The following ASIC2 variants were observed in gnomAD, a reference collection of about 807,000 sequenced individuals.
The protein encoded by ASIC2 is acid sensing ion channel subunit 2, also known as acid-sensing ion channel 2.
In ASIC2, 25 loss-of-function variants were observed where a neutral mutation model predicts 57.3. That is an observed-to-expected ratio of 0.44 (90% CI 0.32 to 0.61). The LOEUF is 0.61. Among genes scored for constraint, ASIC2 ranks in the 20% least tolerant of loss-of-function variants. The pLI is 0.06. For synonymous variants in ASIC2, 319 were observed against 307.5 expected, an observed-to-expected ratio of 1.04 and a Z score of -0.39; for missense variants, 641 against 738.1, an observed-to-expected ratio of 0.87 and a Z score of 1.52.
chr17:33,172,549 C>T (rs117825861), intron 1 of ASIC2, among the ~76,000 whole-genome samples: 1 of 152,338 alleles, frequency 6.6e-6, no homozygotes, highest in Non-Finnish European at 1.5e-5. Flanking sequence ...AAACACAGCA[C>T]AGGCCCTCTG....
chr17:34,152,578 G>T (rs1008504423), intron 1 of ASIC2, among the ~76,000 whole-genome samples: 1 of 152,122 alleles, frequency 6.6e-6, no homozygotes, highest in African/African-American at 2.4e-5. Context: ...TGAATAGCCC[G>T]ACTACTAATA....
At chr17:33,579,158 C>A (rs1597794180) in intron 1 of ASIC2, among the ~76,000 whole-genome samples, 1 of 151,968 alleles carries the variant, frequency 6.6e-6, no homozygotes. Context: ...TGATGGTGGG[C>A]GCCTGTAATC....
At chr17:34,146,964 C>G (rs1309619411) in intron 1 of ASIC2, 1 of 152,212 alleles carries the variant, frequency 6.6e-6, no homozygotes, top group Non-Finnish European at 1.5e-5. Flanking sequence ...CCTCCCTCAT[C>G]CTGCTGCAGC....
Position 33,402,021 on chromosome 17 carries a change from G to A in ASIC2, c.556-289954C>T, listed in dbSNP as rs1043674598. ...CTCCATGGCCATATTGTTCCACAAG[G>A]CAAGAAAGCTGTTGTCCAGAAATAT... On this transcript the variant is annotated intron_variant, in intron 1 of 9. Coordinates refer to the ASIC2 transcript ENST00000359872. Among the ~76,000 whole-genome samples the A allele has an allele frequency of 5.2e-4, 79 of 152,180 alleles. 1 individual carries two copies. The highest frequency in any genetic ancestry group is 1.4e-3 in the Admixed American group (22 of 15,290).
At chr17:34,050,122 C>T (rs1367358731) in intron 1 of ASIC2, among the ~76,000 whole-genome samples, 1 of 152,192 alleles carries the variant, frequency 6.6e-6, no homozygotes, top group Non-Finnish European at 1.5e-5. Context: ...CATTATCTTT[C>T]CACATGCCTG....
intron 1 of ASIC2, among the ~76,000 whole-genome samples, chr17:33,623,240 TTTTTTGTTTGTTTGTTTG>T (rs1214719884): frequency 6.9e-6 from 1 of 144,898 alleles, no homozygotes; most frequent in Non-Finnish European, 1.5e-5. Flanking sequence ...GATATCGTTT[TTTTTTGTTTGTTTGTTTG>T]TTTGTTTGTT....
At chr17:33,544,973 A>G (rs1215964050) in intron 1 of ASIC2, among the ~76,000 whole-genome samples, 1 of 152,110 alleles carries the variant, frequency 6.6e-6, no homozygotes. Context: ...AATTATTTTC[A>G]AGAAAATCTC....
intron 1 of ASIC2, among the ~76,000 whole-genome samples, chr17:33,718,514 C>T (rs1208787942): frequency 6.6e-6 from 1 of 152,052 alleles, no homozygotes; most frequent in Non-Finnish European, 1.5e-5. Flanking sequence ...GCCTCCCACA[C>T]CCCAACAATT....
chr17:33,541,634 C>T (rs1405862594), intron 1 of ASIC2, among the ~76,000 whole-genome samples: 1 of 152,176 alleles, frequency 6.6e-6, no homozygotes, highest in African/African-American at 2.4e-5. Flanking sequence ...ATCATTAGGG[C>T]TTCCACTTTC....
chr17:33,335,880 A>AT (rs1907494073), intron 1 of ASIC2, among the ~76,000 whole-genome samples: 1 of 152,242 alleles, frequency 6.6e-6, no homozygotes, highest in Non-Finnish European at 1.5e-5. Context: ...TCCAGCTCCA[A>AT]TCGCAGACAC....
chr17:34,090,287 G>A (rs150064185), intron 1 of ASIC2, among the ~76,000 whole-genome samples: 31 of 152,262 alleles, frequency 2.0e-4, no homozygotes, highest in African/African-American at 4.3e-4. Context: ...CCAAATGCCT[G>A]TAGGAGAGAA....
intron 1 of ASIC2, among the ~76,000 whole-genome samples, chr17:33,363,611 C>T (rs953872825): frequency 2.0e-5 from 3 of 152,210 alleles, no homozygotes; most frequent in African/African-American, 7.2e-5. Context: ...AACACCAGTG[C>T]GCATGTCCAT....
At chr17:33,117,784 A>G (rs560721423) in intron 1 of ASIC2, among the ~76,000 whole-genome samples, 2 of 152,320 alleles carry the variant, frequency 1.3e-5, no homozygotes, top group East Asian at 1.9e-4. Flanking sequence ...CTTTACTTCT[A>G]TACTCGAAGG....
intron 3 of ASIC2, among the ~76,000 whole-genome samples, chr17:33,062,940 C>G (rs1457717010): frequency 6.6e-6 from 1 of 152,110 alleles, no homozygotes; most frequent in Non-Finnish European, 1.5e-5. Context: ...CTCTTTTGAT[C>G]TTTGTTGGTT....
intron 1 of ASIC2, among the ~76,000 whole-genome samples, chr17:33,250,455 A>AT (rs1425331212): frequency 3.3e-5 from 5 of 152,184 alleles, no homozygotes; most frequent in African/African-American, 1.2e-4. Context: ...CCCAGAAAAC[A>AT]TTACCTGTAC....
intron 1 of ASIC2, among the ~76,000 whole-genome samples, chr17:34,082,924 A>T (rs915181319): frequency 7.2e-5 from 11 of 152,298 alleles, no homozygotes; most frequent in Admixed American, 1.3e-4. Flanking sequence ...GAAGTTTTTG[A>T]ATGCAGGAGC....
intron 1 of ASIC2, among the ~76,000 whole-genome samples, chr17:34,040,443 A>C: frequency 1.4e-4 from 1 of 7,354 alleles, no homozygotes; most frequent in African/African-American, 4.7e-4. Context: ...GTGGGGGAGG[A>C]GGGGGAGGGG....
intron 1 of ASIC2, among the ~76,000 whole-genome samples, chr17:33,946,752 T>G (rs182732203): frequency 6.6e-6 from 1 of 152,132 alleles, no homozygotes; most frequent in Non-Finnish European, 1.5e-5. Flanking sequence ...GTGGGTCCAT[T>G]GGGAAGGTGG....
intron 1 of ASIC2, among the ~76,000 whole-genome samples, chr17:33,961,735 T>A (rs1904927818): frequency 1.8e-5 from 2 of 109,626 alleles, no homozygotes; most frequent in Admixed American, 8.6e-5. Flanking sequence ...AGGGACATAT[T>A]TGGGAGGGAA....
Sources: allele counts gnomAD v4.1 joint callset (sites outside exome capture counted in the v4.1 genomes callset), GRCh38; gene constraint gnomAD v4.1.1; transcripts MANE v1.5; gene names NCBI Gene and HGNC (gene_info 2026-07-23, HGNC 2026-07-21).